The following GNG7 variants were observed in gnomAD, a reference collection of about 807,000 sequenced individuals.
The protein encoded by GNG7 is G protein subunit gamma 7.
GNG7 carries 1 observed loss-of-function variant against 4.0 expected under a neutral mutation model. The ratio of observed to expected loss-of-function variants is 0.25; its 90% CI spans 0.09 to 1.18. The LOEUF is 1.18. GNG7 is among the 50% of genes most tolerant of loss of function. GNG7 has a pLI of 0.50. For synonymous variants in GNG7, 34 were observed against 36.9 expected (o/e 0.92, Z 0.29); for missense variants, 86 against 91.9 (o/e 0.94, Z 0.26).
intron 3 of GNG7, among the ~76,000 whole-genome samples, chr19:2,553,893 G>A (rs1203419371): frequency 7.0e-6 from 1 of 142,504 alleles, no homozygotes; most frequent in Non-Finnish European, 1.5e-5. Flanking sequence ...CATATTCTAT[G>A]TAATATTACA....
Position 2,634,946 on chromosome 19 carries a change from T to C in GNG7, c.-78+11278A>G. On this transcript the variant is annotated intron_variant, in intron 2 of 4. Coordinates refer to ENST00000382159, the MANE Select transcript of GNG7 (RefSeq NM_052847.3). This position sits in a 1 kb window ranked among gnomAD's most constrained non-coding sequence, Gnocchi z 5.3. ...GCTACCAGAAAAACACACTCGGTGA[T>C]CTGGAGGTCGCAAAGTTCTTCCGCA... Among the ~76,000 whole-genome samples, 1 of 151,404 alleles carries C rather than the reference T, an allele frequency of 6.6e-6. No individual in the cohort carries two copies. The highest frequency in any genetic ancestry group is 1.5e-5 in the Non-Finnish European group (1 of 67,952).
intron 2 of GNG7, among the ~76,000 whole-genome samples, chr19:2,596,270 A>G (rs1042341165): frequency 6.6e-6 from 1 of 152,076 alleles, no homozygotes; most frequent in Non-Finnish European, 1.5e-5. Context: ...GAGACAGGAG[A>G]ATCGCTTGAA....
intron 3 of GNG7, among the ~76,000 whole-genome samples, chr19:2,553,693 ATG>A (rs1979431629): frequency 7.5e-6 from 1 of 134,220 alleles, no homozygotes; most frequent in African/African-American, 2.8e-5. Flanking sequence ...TATTACACAC[ATG>A]TGCACATTAC....
rs971767810 is a variant in GNG7 at position 2,673,083 on chromosome 19, C to T, written c.-134-26803G>A. On this transcript the variant is annotated intron_variant, in intron 1 of 4. Transcript: ENST00000382159. ...CATCCTGGCTAACACGGTGAAACCC[C>T]GTCTCTACTAAACAATACAAAAAAT... Among the ~76,000 whole-genome samples, 14 of 151,178 alleles carry T rather than the reference C, an allele frequency of 9.3e-5. No homozygotes were observed. The East Asian group carries it at 1.4e-3, about 15-fold the overall frequency.
intron 2 of GNG7, among the ~76,000 whole-genome samples, chr19:2,566,073 G>A (rs7248763): frequency 0.017 from 2,657 of 151,854 alleles, 87 homozygotes; most frequent in African/African-American, 0.061. Flanking sequence ...CAGGAGAATC[G>A]CTTGAACCTG....
At chr19:2,651,575 C>CTCTT (rs1555700507) in intron 1 of GNG7, among the ~76,000 whole-genome samples, 1 of 125,146 alleles carries the variant, frequency 8.0e-6, no homozygotes. Flanking sequence ...CTCTCTCTCT[C>CTCTT]TTTTTTTTTT....
intron 2 of GNG7, among the ~76,000 whole-genome samples, chr19:2,572,233 G>A (rs1980170204): frequency 6.6e-6 from 1 of 151,990 alleles, no homozygotes; most frequent in Non-Finnish European, 1.5e-5. Flanking sequence ...TGCCCAGGCT[G>A]GTCTTTAACT....
At chr19:2,549,955 C>G (rs149214984) in intron 3 of GNG7, among the ~76,000 whole-genome samples, 2 of 152,350 alleles carry the variant, frequency 1.3e-5, no homozygotes, top group East Asian at 3.9e-4. Flanking sequence ...CTTTTCTTGT[C>G]TATCCAAATT....
intron 2 of GNG7, among the ~76,000 whole-genome samples, chr19:2,636,655 C>T (rs1486910596): frequency 6.6e-6 from 1 of 152,208 alleles, no homozygotes; most frequent in African/African-American, 2.4e-5. Flanking sequence ...CCACGCACAA[C>T]ACCCAGGGAC....
intron 1 of GNG7, among the ~76,000 whole-genome samples, chr19:2,681,537 G>A (rs1053600072): frequency 3.3e-5 from 5 of 152,114 alleles, no homozygotes; most frequent in African/African-American, 9.7e-5. Context: ...CCAAAGCGCT[G>A]GGATCACTAG....
In GNG7 at chr19:2,587,300, C is replaced by T. The variant is rs565917602; in HGVS notation, c.-77-32112G>A. 3.3e-4 allele frequency among the ~76,000 whole-genome samples: 51 copies of T among 152,300 alleles called. No individual in the cohort carries two copies. In the South Asian group the frequency reaches 8.3e-3, roughly 25 times the overall value. On this transcript the variant is annotated intron_variant, in intron 2 of 4. Transcript: ENST00000382159. ...CCAGGTGCAGACCCAGGGGTCTCTCCTGTCCCTCCGACCTCACCTGCGTAC... is the reference window on the plus strand; with the variant it reads ...CCAGGTGCAGACCCAGGGGTCTCTCTTGTCCCTCCGACCTCACCTGCGTAC...
At chr19:2,640,730 T>G (rs1479550402) in intron 2 of GNG7, among the ~76,000 whole-genome samples, 1 of 152,142 alleles carries the variant, frequency 6.6e-6, no homozygotes, top group African/African-American at 2.4e-5. Flanking sequence ...TAGGCTCAAG[T>G]GATCCTCCTG....
chr19:2,645,535 G>A (rs554489820), intron 2 of GNG7, among the ~76,000 whole-genome samples: 338 of 151,232 alleles, frequency 2.2e-3, no homozygotes, highest in Non-Finnish European at 3.5e-3. Context: ...CACCATGCCT[G>A]GCCAAAACCC....
intron 1 of GNG7, among the ~76,000 whole-genome samples, chr19:2,676,160 C>A (rs1214845013): frequency 6.6e-6 from 1 of 152,230 alleles, no homozygotes; most frequent in East Asian, 1.9e-4. Flanking sequence ...AGGATCCTCC[C>A]CGGGAGCTTC....
chr19:2,545,204 C>T (rs1444922653), intron 3 of GNG7, among the ~76,000 whole-genome samples: 3 of 148,272 alleles, frequency 2.0e-5, no homozygotes, highest in Admixed American at 6.7e-5. Flanking sequence ...CTGTGGTTGT[C>T]GTAACTGGGG....
intron 3 of GNG7, among the ~76,000 whole-genome samples, chr19:2,545,595 G>T (rs183432395): frequency 6.8e-6 from 1 of 148,010 alleles, no homozygotes; most frequent in Non-Finnish European, 1.5e-5. Context: ...AGGTTGCAGT[G>T]AGCCAAGATT....
At chr19:2,677,163 G>A (rs923569398) in intron 1 of GNG7, among the ~76,000 whole-genome samples, 1 of 152,136 alleles carries the variant, frequency 6.6e-6, no homozygotes, top group Non-Finnish European at 1.5e-5. Flanking sequence ...TCTGGAGACA[G>A]GGCCTTCCAG....
rs368627780 is a variant in GNG7, at chr19:2,626,617, G to A, written c.-78+19607C>T. ...TCCAGGAAGCCCTCCCTGAATTCCC[G>A]AACAAAGCTCCTGGTGTGGGCACCT... is the stretch of plus-strand genomic sequence containing the variant. On this transcript the variant is annotated intron_variant, in intron 2 of 4. Coordinates refer to ENST00000382159, the MANE Select transcript of GNG7 (RefSeq NM_052847.3). The surrounding 1 kb of genome is among the most constrained non-coding windows in gnomAD (Gnocchi z 5.0). 9.2e-5 allele frequency among the ~76,000 whole-genome samples: 14 copies of A among 152,234 alleles called. No homozygotes were observed. The highest frequency in any genetic ancestry group is 3.9e-4 in the East Asian group (2 of 5,190).
intron 1 of GNG7, among the ~76,000 whole-genome samples, chr19:2,694,867 G>A (rs537148386): frequency 2.0e-5 from 3 of 151,986 alleles, no homozygotes; most frequent in East Asian, 3.9e-4. Context: ...GGCCAGGGAC[G>A]CTGCTCGGCA....
Sources: allele counts gnomAD v4.1 joint callset (sites outside exome capture counted in the v4.1 genomes callset), GRCh38; gene constraint gnomAD v4.1.1; non-coding constraint Gnocchi (gnomAD v3.1); transcripts MANE v1.5; gene names NCBI Gene and HGNC (gene_info 2026-07-23, HGNC 2026-07-21).